NPSR1: variants seen among roughly 807,000 people sequenced by gnomAD.
The protein encoded by NPSR1 is neuropeptide S receptor.
A neutral mutation model predicts 46.9 loss-of-function variants in NPSR1; 48 were observed. That is an observed-to-expected ratio of 1.02 (90% CI 0.81 to 1.30). NPSR1 has a LOEUF of 1.30. Ranked by LOEUF, NPSR1 falls within the 50% of genes most tolerant of loss-of-function variation. The pLI is 0.00. For missense variants in NPSR1, 450 were observed against 449.5 expected (o/e 1.00, Z -0.01); for synonymous variants, 176 against 168.1 (o/e 1.05, Z -0.36).
intron 4 of NPSR1, among the ~76,000 whole-genome samples, chr7:34,812,926 T>C (rs190235471): frequency 3.3e-5 from 5 of 152,308 alleles, no homozygotes; most frequent in Admixed American, 2.6e-4. Flanking sequence ...TTAATAGAAG[T>C]AGCAGAATTT....
At chr7:34,706,531 T>A (rs2128699409) in intron 2 of NPSR1, among the ~76,000 whole-genome samples, 1 of 152,282 alleles carries the variant, frequency 6.6e-6, no homozygotes, top group Admixed American at 6.5e-5. Flanking sequence ...TGAAGTATCT[T>A]AAAGGTTGCT....
chr7:34,703,320 G>A (rs1426277933), intron 2 of NPSR1, among the ~76,000 whole-genome samples: 1 of 152,154 alleles, frequency 6.6e-6, no homozygotes, highest in South Asian at 2.1e-4. Context: ...GCAGTGAGCC[G>A]AGATCGCGCC....
chr7:34,790,703 CTATGTTATATATAATATATGTTA>C (rs1562729142), intron 3 of NPSR1, among the ~76,000 whole-genome samples: 4 of 89,372 alleles, frequency 4.5e-5, no homozygotes, highest in Admixed American at 1.2e-4. Flanking sequence ...AATATATGTT[CTATGTTATATATAATATATGTTA>C]TATGTTATAT....
intron 5 of NPSR1, chr7:34,834,067 C>T (rs1790250128): frequency 2.8e-6 from 1 of 353,298 alleles, no homozygotes; most frequent in African/African-American, 2.1e-5. Context: ...AGAGGAGACC[C>T]AAGTTTTTCT....
At chr7:34,838,561 C>T (rs551976387) in intron 6 of NPSR1, among the ~76,000 whole-genome samples, 6 of 152,108 alleles carry the variant, frequency 3.9e-5, no homozygotes, top group Non-Finnish European at 8.8e-5. Context: ...GATTATTGCT[C>T]ATCAACAAGG....
At chr7:34,834,551 A>C (rs1187612302) in intron 6 of NPSR1, 91 bp downstream of exon 6, 1 of 877,020 alleles carries the variant, frequency 1.1e-6, no homozygotes, top group East Asian at 2.4e-5. Context: ...ACTCCTTGAT[A>C]CACAAGCATA....
Position 34,844,941 on chromosome 7 carries a change from CA to C in NPSR1, c.808del (p.Ile270SerfsTer44). 6.2e-7 allele frequency: 1 copy of C among 1,613,174 alleles called. No individual in the cohort carries two copies. The highest frequency in any genetic ancestry group is 8.5e-7 in the Non-Finnish European group (1 of 1,179,188). ...SSYNRGLISKAKIKAIKYSII... is the reference protein window; with the variant it reads ...SSYNRGLISKXKIKAIKYSII... The stretch of plus-strand genomic sequence containing the variant: ...TATAACCGAGGACTCATCTCAAAGG[CA>C]AAAATCAAGGCTATCAAGTATAGCA... On this transcript the variant is annotated frameshift_variant, in exon 7 of 9. Transcript: ENST00000360581. LOFTEE classifies it high-confidence loss of function.
At position 34,849,782 on chromosome 7, in the gene NPSR1, C is replaced by A. The variant is rs1181794338; in HGVS notation, c.*127C>A. 1.3e-6 allele frequency: 2 copies of A among 1,506,340 alleles called. No homozygotes were observed. The highest frequency in any genetic ancestry group is 4.5e-5 in the Admixed American group (2 of 44,752). 93.3% of individuals were successfully genotyped at this position (1,506,340 alleles called of 1,614,324 possible). On this transcript the variant is annotated 3_prime_UTR_variant, in exon 9 of 9. Coordinates refer to ENST00000360581, the MANE Select transcript of NPSR1 (RefSeq NM_207172.2). ...CCCTCGTCATTACCTGGGAGATGCA[C>A]AAGACAAATGTTCTAATGACTGCAT...
At chr7:34,717,815 C>A (rs974287862) in intron 2 of NPSR1, among the ~76,000 whole-genome samples, 2 of 152,190 alleles carry the variant, frequency 1.3e-5, no homozygotes, top group African/African-American at 4.8e-5. Context: ...GCTCCATCAC[C>A]AAAGGCATTT....
chr7:34,659,288 C>A (rs1344134718), intron 1 of NPSR1, among the ~76,000 whole-genome samples: 1 of 152,214 alleles, frequency 6.6e-6, no homozygotes, highest in Non-Finnish European at 1.5e-5. Context: ...CTGCTTCTTG[C>A]CTCAGAATGC....
intron 6 of NPSR1, among the ~76,000 whole-genome samples, chr7:34,839,542 C>T (rs1790496107): frequency 6.6e-6 from 1 of 152,174 alleles, no homozygotes; most frequent in African/African-American, 2.4e-5. Flanking sequence ...TTCAGGTTTT[C>T]ATTAAGACAG....
chr7:34,751,837 G>A (rs1785552649), intron 2 of NPSR1: 17 of 1,585,340 alleles, frequency 1.1e-5, no homozygotes, highest in Non-Finnish European at 1.5e-5. Context: ...GTAAATGAGG[G>A]TCACTGCCAC....
At chr7:34,671,496 C>T (rs771105547) in intron 1 of NPSR1, among the ~76,000 whole-genome samples, 5 of 152,092 alleles carry the variant, frequency 3.3e-5, no homozygotes, top group African/African-American at 4.8e-5. Context: ...CCCAAGCAAG[C>T]GAGGCTTGCA....
chr7:34,791,079 TTA>T (rs1473830777), intron 3 of NPSR1, among the ~76,000 whole-genome samples: 22 of 115,446 alleles, frequency 1.9e-4, no homozygotes, highest in South Asian at 5.1e-4. Context: ...ATTATATATG[TTA>T]TATGTTATAT....
At chr7:34,848,783 T>C (rs1219876966) in intron 8 of NPSR1, 120 bp downstream of exon 8, 2 of 827,144 alleles carry the variant, frequency 2.4e-6, no homozygotes, top group East Asian at 2.5e-5. Flanking sequence ...CTTTTATAGA[T>C]GAGAGGCTTG....
intron 2 of NPSR1, chr7:34,751,302 G>A: frequency 1.5e-5 from 15 of 972,412 alleles, no homozygotes; most frequent in Non-Finnish European, 2.2e-5. Flanking sequence ...GCTGGGAGTT[G>A]CAGAAAGTGG....
At chr7:34,843,994 C>T in intron 6 of NPSR1, among the ~76,000 whole-genome samples, 1 of 152,236 alleles carries the variant, frequency 6.6e-6, no homozygotes, top group East Asian at 1.9e-4. Flanking sequence ...CAGGCCTGTG[C>T]TTATCAGAGC....
intron 1 of NPSR1, 107 bp from the exon 2 acceptor site, chr7:34,684,445 G>C: frequency 9.6e-7 from 1 of 1,039,632 alleles, no homozygotes; most frequent in Non-Finnish European, 1.4e-6. Flanking sequence ...GCTTCCAAAA[G>C]TAGGGATATG....
At chr7:34,698,848 T>C (rs1300116754) in intron 2 of NPSR1, among the ~76,000 whole-genome samples, 1 of 152,196 alleles carries the variant, frequency 6.6e-6, no homozygotes, top group Non-Finnish European at 1.5e-5. Flanking sequence ...GTGTTTATTA[T>C]TGTTTTTATT....
Sources: allele counts gnomAD v4.1 joint callset (sites outside exome capture counted in the v4.1 genomes callset), GRCh38; gene constraint gnomAD v4.1.1; transcripts MANE v1.5; gene names NCBI Gene and HGNC (gene_info 2026-07-23, HGNC 2026-07-21).